The following BRINP2 variants were observed in gnomAD, a reference collection of about 807,000 sequenced individuals.
The protein encoded by BRINP2 is BMP/retinoic acid inducible neural specific 2.
A neutral mutation model predicts 69.2 loss-of-function variants in BRINP2; 21 were observed. The ratio of observed to expected loss-of-function variants is 0.30; its 90% confidence interval spans 0.22 to 0.44. BRINP2 has a LOEUF of 0.44. Ranked by LOEUF, BRINP2 falls within the 20% of genes least tolerant of loss-of-function variation. The pLI, the probability that BRINP2 is intolerant of heterozygous loss-of-function variation, is 1.00. For missense variants in BRINP2, 877 were observed against 986.0 expected (o/e 0.89, Z 1.48); for synonymous variants, 380 against 394.1 (o/e 0.96, Z 0.42).
chr1:177,192,091 G>A (rs1042074644), intron 1 of BRINP2, among the ~76,000 whole-genome samples: 2 of 152,206 alleles, frequency 1.3e-5, no homozygotes, highest in East Asian at 3.8e-4. Context: ...ACATCTTTAA[G>A]TGTGGGATTC....
chr1:177,213,983 G>A (rs1649300946), intron 1 of BRINP2, among the ~76,000 whole-genome samples: 1 of 152,162 alleles, frequency 6.6e-6, no homozygotes, highest in Non-Finnish European at 1.5e-5. Flanking sequence ...GAAGTCAGCA[G>A]CAGTCTGAGC....
intron 1 of BRINP2, among the ~76,000 whole-genome samples, chr1:177,199,463 C>G (rs1648839948): frequency 6.6e-6 from 1 of 152,148 alleles, no homozygotes; most frequent in Non-Finnish European, 1.5e-5. Flanking sequence ...CCCCAAATGT[C>G]CCAGGCAGAC....
chr1:177,188,059 T>C (rs1464431418), intron 1 of BRINP2, among the ~76,000 whole-genome samples: 2 of 152,192 alleles, frequency 1.3e-5, no homozygotes, highest in Non-Finnish European at 2.9e-5. Context: ...AATGAAATAG[T>C]GAAACAAGCT....
intron 1 of BRINP2, among the ~76,000 whole-genome samples, chr1:177,185,843 T>C (rs538870338): frequency 6.6e-6 from 1 of 152,314 alleles, no homozygotes; most frequent in South Asian, 2.1e-4. Context: ...GTAGCAGTGT[T>C]CTGGAAATTA....
intron 1 of BRINP2, among the ~76,000 whole-genome samples, chr1:177,200,120 C>G (rs188681066): frequency 7.0e-4 from 106 of 151,478 alleles, no homozygotes; most frequent in African/African-American, 2.4e-3. Context: ...GCTGAAACCC[C>G]ATCTCTATTA....
At chr1:177,208,562 G>A (rs1649128345) in intron 1 of BRINP2, among the ~76,000 whole-genome samples, 1 of 152,106 alleles carries the variant, frequency 6.6e-6, no homozygotes, top group Admixed American at 6.5e-5. Context: ...TAGAGAGTGT[G>A]CATTATTCTC....
At chr1:177,218,748 C>T (rs1192789069) in intron 1 of BRINP2, among the ~76,000 whole-genome samples, 1 of 152,116 alleles carries the variant, frequency 6.6e-6, no homozygotes. Context: ...GCAACGTGGT[C>T]AAAGCAAAAC....
At chr1:177,219,076 T>G (rs1474143304) in intron 1 of BRINP2, among the ~76,000 whole-genome samples, 2 of 152,212 alleles carry the variant, frequency 1.3e-5, no homozygotes. Flanking sequence ...CTTGCAGTGA[T>G]AGAACAGCTT....
intron 1 of BRINP2, among the ~76,000 whole-genome samples, chr1:177,191,357 T>C (rs1202061547): frequency 1.3e-5 from 2 of 152,178 alleles, no homozygotes; most frequent in African/African-American, 4.8e-5. Context: ...CTGGAGAACA[T>C]GAGGATGAGG....
intron 1 of BRINP2, among the ~76,000 whole-genome samples, chr1:177,191,842 A>G (rs376354303): frequency 1.3e-5 from 2 of 152,242 alleles, no homozygotes; most frequent in African/African-American, 4.8e-5. Context: ...GAAAACACCA[A>G]TAATGTGCAG....
chr1:177,276,542 A>G, intron 6 of BRINP2, 108 bp downstream of exon 6: 1 of 974,040 alleles, frequency 1.0e-6, no homozygotes, highest in Non-Finnish European at 1.6e-6. Context: ...GGGGATCCTG[A>G]CATGACCACT....
rs768682042 is a variant in BRINP2 at position 177,281,412 on chromosome 1, C to T, written c.2236C>T (p.Arg746Trp). 6.2e-6 allele frequency: 10 copies of T among 1,614,114 alleles called. No homozygotes were observed. Among genetic ancestry groups the T allele is most frequent in the African/African-American group, 2.7e-5 (2 of 75,016 alleles). The part of the protein sequence containing the change: ...VRLDLFSCLL[R>W]HRLKLANNEV... ...ACTTGACCTTTTCTCCTGCTTGCTCCGGCATCGGCTTAAGCTGGCCAACAA... is the reference window on the plus strand; with the variant it reads ...ACTTGACCTTTTCTCCTGCTTGCTCTGGCATCGGCTTAAGCTGGCCAACAA... The change falls in exon 8 of 8, where the codon CGG (arginine) becomes TGG (tryptophan). Residue 746 changes from arginine (R) to tryptophan (W), a missense_variant. Around this residue, in one of 3 missense-constraint regions of BRINP2, gnomAD observed 225 missense variants for 218.7 expected, o/e 1.03. Coordinates refer to ENST00000361539, the MANE Select transcript of BRINP2 (RefSeq NM_021165.4).
At chr1:177,260,309 T>C (rs1413161555) in intron 4 of BRINP2, among the ~76,000 whole-genome samples, 1 of 152,226 alleles carries the variant, frequency 6.6e-6, no homozygotes, top group African/African-American at 2.4e-5. Flanking sequence ...AATGACGAGT[T>C]GCTTCTTATG....
At chr1:177,253,737 T>C (rs539284418) in intron 2 of BRINP2, among the ~76,000 whole-genome samples, 1 of 152,200 alleles carries the variant, frequency 6.6e-6, no homozygotes, top group Non-Finnish European at 1.5e-5. Context: ...GTTTTATTCT[T>C]CTGCATGTGG....
At chr1:177,189,669 C>G (rs1280616836) in intron 1 of BRINP2, among the ~76,000 whole-genome samples, 1 of 152,154 alleles carries the variant, frequency 6.6e-6, no homozygotes, top group Non-Finnish European at 1.5e-5. Flanking sequence ...AACTTAGAAA[C>G]TAGGTAACAT....
At chr1:177,262,445 G>A (rs529198047) in intron 4 of BRINP2, among the ~76,000 whole-genome samples, 1 of 151,802 alleles carries the variant, frequency 6.6e-6, no homozygotes, top group South Asian at 2.1e-4. Flanking sequence ...CCGGGAGACG[G>A]AGGTTGCAGC....
chr1:177,268,751 C>T (rs550769700), intron 4 of BRINP2, among the ~76,000 whole-genome samples: 1 of 152,274 alleles, frequency 6.6e-6, no homozygotes, highest in South Asian at 2.1e-4. Context: ...GGCAGGTACA[C>T]AGCTCCAGGT....
chr1:177,259,296 A>C (rs1180147213), intron 4 of BRINP2, among the ~76,000 whole-genome samples: 2 of 152,176 alleles, frequency 1.3e-5, no homozygotes, highest in African/African-American at 2.4e-5. Flanking sequence ...AATTCTCTGC[A>C]GACTGAGAGG....
At chr1:177,272,598 A>C (rs1180343801) in intron 4 of BRINP2, among the ~76,000 whole-genome samples, 1 of 152,266 alleles carries the variant, frequency 6.6e-6, no homozygotes, top group Non-Finnish European at 1.5e-5. Flanking sequence ...GGGGGCCTGA[A>C]GCCAGAAGAG....
Sources: gnomAD v4.1 joint callset for allele counts (sites outside exome capture counted in the v4.1 genomes callset) on GRCh38, gnomAD v4.1.1 for gene constraint, gnomAD v4.1.1 regional missense constraint, MANE v1.5 for transcripts, NCBI Gene and HGNC (gene_info 2026-07-23, HGNC 2026-07-21) for gene names.